The following CACNG8 variants were observed in gnomAD, a reference collection of about 807,000 sequenced individuals.
CACNG8 encodes calcium voltage-gated channel auxiliary subunit gamma 8, also known as voltage-dependent calcium channel gamma-8 subunit.
In CACNG8, 5 loss-of-function variants were observed where a neutral mutation model predicts 26.9. The observed-to-expected ratio is 0.19, with a 90% confidence interval of 0.10 to 0.39. The LOEUF (loss-of-function observed/expected upper bound fraction) is 0.39. Ranked by LOEUF, CACNG8 falls within the 10% of genes least tolerant of loss-of-function variation. The probability of loss-of-function intolerance (pLI) is 1.00; values close to 1 mark genes in which losing one functional copy is unlikely to be tolerated. For synonymous variants in CACNG8, 321 were observed against 296.7 expected (o/e 1.08, Z -0.84); for missense variants, 473 against 609.4 (o/e 0.78, Z 2.36).
In CACNG8 at chr19:53,963,061, G is replaced by A; in HGVS notation, c.-82G>A. ...GGCCCCCCGCTTCTGCCTGCGCTGTGAACCCCCCCCCAGCCGCCGGCACGG... is the reference window on the plus strand; with the variant it reads ...GGCCCCCCGCTTCTGCCTGCGCTGTAAACCCCCCCCCAGCCGCCGGCACGG... On this transcript the variant is annotated 5_prime_UTR_variant, in exon 1 of 4. Transcript: ENST00000270458. 1 of 792,896 alleles carries A rather than the reference G, an allele frequency of 1.3e-6. No homozygotes were observed. Among genetic ancestry groups the A allele is most frequent in the Non-Finnish European group, 1.8e-6 (1 of 569,948 alleles). 49.1% of individuals were successfully genotyped at this position (792,896 alleles called of 1,614,324 possible). A position where few individuals can be genotyped will look rare whatever the true frequency, so the allele number is the denominator to read the frequency against.
chr19:53,971,291 C>CA (rs36089029), intron 1 of CACNG8, among the ~76,000 whole-genome samples: 71,560 of 130,660 alleles, frequency 0.55, 18,408 homozygotes, highest in African/African-American at 0.66. Flanking sequence ...GGCCCTGTCT[C>CA]AAAAAAAAAA....
rs1276087519 is a variant in CACNG8, at chr19:53,987,756, T to A, written c.*4907T>A. ...TCTCTTTTGGATGTGTCAAGATAGA[T>A]CTGCCTTCGAGAAATCCGAGTTGTG... On this transcript the variant is annotated 3_prime_UTR_variant, in exon 4 of 4. Transcript: ENST00000270458. The A allele has an allele frequency of 6.6e-6, 1 of 152,178 alleles. No individual in the cohort carries two copies. The highest frequency in any genetic ancestry group is 6.5e-5 in the Admixed American group (1 of 15,268). 9.4% of individuals were successfully genotyped at this position (152,178 alleles called of 1,614,324 possible). A position where few individuals can be genotyped will look rare whatever the true frequency, so the allele number is the denominator to read the frequency against.
chr19:53,977,561 T>G (rs1042059481), intron 1 of CACNG8, among the ~76,000 whole-genome samples: 17 of 152,134 alleles, frequency 1.1e-4, no homozygotes, highest in African/African-American at 3.6e-4. Flanking sequence ...CCAGGTTCCC[T>G]GCAGAAAGAG....
At chr19:53,966,669 C>G (rs1485732685) in intron 1 of CACNG8, among the ~76,000 whole-genome samples, 1 of 152,220 alleles carries the variant, frequency 6.6e-6, no homozygotes, top group Non-Finnish European at 1.5e-5. Context: ...GTTGGGATTA[C>G]AGATGTCAGC....
chr19:53,968,648 AT>A (rs2069284700), intron 1 of CACNG8, among the ~76,000 whole-genome samples: 1 of 151,210 alleles, frequency 6.6e-6, no homozygotes, highest in Non-Finnish European at 1.5e-5. Flanking sequence ...TGTACCTATA[AT>A]CCCAGCTACT....
At chr19:53,978,273 CG>C (rs764568392) in intron 2 of CACNG8, 44 bp downstream of exon 2, 3 of 1,535,090 alleles carry the variant, frequency 2.0e-6, no homozygotes, top group Non-Finnish European at 2.7e-6. Context: ...GGTCAAATCG[CG>C]GGGCCTGGAA....
At chr19:53,976,524 A>T (rs2069330982) in intron 1 of CACNG8, among the ~76,000 whole-genome samples, 1 of 151,986 alleles carries the variant, frequency 6.6e-6, no homozygotes, top group East Asian at 1.9e-4. Flanking sequence ...CCTTATATTA[A>T]TTCTTCCCAG....
At chr19:53,964,646 C>G (rs1006761081) in intron 1 of CACNG8, among the ~76,000 whole-genome samples, 2 of 152,102 alleles carry the variant, frequency 1.3e-5, no homozygotes, top group African/African-American at 4.8e-5. Context: ...TCTCCTAGCT[C>G]GGCTCCCTGG....
At chr19:53,972,346 CTCTTTTCT>C (rs1209039185) in intron 1 of CACNG8, among the ~76,000 whole-genome samples, 2 of 137,918 alleles carry the variant, frequency 1.5e-5, no homozygotes, top group African/African-American at 2.7e-5. Context: ...TTTCTTTCTT[CTCTTTTCT>C]TCTTTTCTTT....
chr19:53,977,195 G>A (rs1334305465), intron 1 of CACNG8, among the ~76,000 whole-genome samples: 2 of 152,188 alleles, frequency 1.3e-5, no homozygotes, highest in East Asian at 3.9e-4. Context: ...GTGTGTCTGT[G>A]TGTGTCTAGG....
rs1465784675 is a variant in CACNG8 at position 53,982,850 on chromosome 19, G to C, written c.*1G>C. On this transcript the variant is annotated 3_prime_UTR_variant, in exon 4 of 4. Transcript: ENST00000270458. This position sits in a 1 kb window ranked among gnomAD's most constrained non-coding sequence, Gnocchi z 8.4. ...CAACAGGAAAACCACGCCTGTGTAG[G>C]GGCGCGGCGGGGGAGCCGAGGGGCG... The C allele has an allele frequency of 1.5e-6, 2 of 1,314,340 alleles. No individual in the cohort carries two copies. Among genetic ancestry groups the C allele is most frequent in the Non-Finnish European group, 9.7e-7 (1 of 1,029,424 alleles). 81.4% of individuals were successfully genotyped at this position (1,314,340 alleles called of 1,614,324 possible).
Position 53,963,276 on chromosome 19 carries a change from T to C in CACNG8, c.134T>C (p.Leu45Pro). The change falls in exon 1 of 4, where the codon CTC becomes CCC. Residue 45 changes from leucine (L) to proline (P), a missense_variant. This residue lies in a region of CACNG8 where 69 missense variants were observed against 66.7 expected (regional missense o/e 1.03). Coordinates refer to ENST00000270458, the MANE Select transcript of CACNG8 (RefSeq NM_031895.6). Reference sequence around the variant, plus strand: ...ATCGCCATCAGCACTGACTACTGGCTCTACACGCGCGCCCTCATCTGCAAC... The same window carrying C: ...ATCGCCATCAGCACTGACTACTGGCCCTACACGCGCGCCCTCATCTGCAAC... 1 of 1,609,984 alleles carries C rather than the reference T, an allele frequency of 6.2e-7. No homozygotes were observed. Among genetic ancestry groups the C allele is most frequent in the Non-Finnish European group, 8.5e-7 (1 of 1,179,326 alleles).
At chr19:53,971,084 G>T (rs2069300031) in intron 1 of CACNG8, among the ~76,000 whole-genome samples, 2 of 152,044 alleles carry the variant, frequency 1.3e-5, no homozygotes. Context: ...GTGAGGTCGG[G>T]AGTTGGAGAC....
At chr19:53,973,525 A>T (rs921521476) in intron 1 of CACNG8, among the ~76,000 whole-genome samples, 15 of 151,186 alleles carry the variant, frequency 9.9e-5, no homozygotes, top group African/African-American at 3.6e-4. Context: ...TCTATCTCTT[A>T]AAAAAAATAA....
chr19:53,982,789 G>A lies in CACNG8; in HGVS notation c.1218G>A (p.Leu406=), dbSNP rs1249400604. Reference sequence around the variant, plus strand: ...CCTCTGCGCCCGCCCCCGGGACCCTGGCCAAGGAGGCCGCCGCCTCCAACA... The same window carrying A: ...CCTCTGCGCCCGCCCCCGGGACCCTAGCCAAGGAGGCCGCCGCCTCCAACA... Residue 406 remains leucine, a synonymous_variant, in exon 4 of 4, where the codon CTG becomes CTA. Coordinates refer to ENST00000270458, the MANE Select transcript of CACNG8 (RefSeq NM_031895.6). This position sits in a 1 kb window ranked among gnomAD's most constrained non-coding sequence, Gnocchi z 8.4. 7.3e-6 allele frequency: 10 copies of A among 1,363,934 alleles called. No individual in the cohort carries two copies. Among genetic ancestry groups the A allele is most frequent in the Non-Finnish European group, 9.5e-6 (10 of 1,052,104 alleles). 84.5% of individuals were successfully genotyped at this position (1,363,934 alleles called of 1,614,324 possible). A position where few individuals can be genotyped will look rare whatever the true frequency, so the allele number is the denominator to read the frequency against.
chr19:53,971,291 CAA>C (rs36089029), intron 1 of CACNG8, among the ~76,000 whole-genome samples: 3 of 130,888 alleles, frequency 2.3e-5, no homozygotes, highest in Admixed American at 1.6e-4. Context: ...GGCCCTGTCT[CAA>C]AAAAAAAAAA....
rs1244710534 is a variant in CACNG8, at chr19:53,982,617, G to T, written c.1046G>T (p.Gly349Val). The change falls in exon 4 of 4, where the codon GGC becomes GTC. Residue 349 changes from glycine to valine, a missense_variant. Gly to Val is a moderately radical substitution (Grantham distance 109, BLOSUM62 -3). Transcript: ENST00000270458. This position sits in a 1 kb window ranked among gnomAD's most constrained non-coding sequence, Gnocchi z 8.4. ...GGGGGCGCCGGGGGCGGCGGCGGAG[G>T]CGGCGGCGGGGCGGGTGCCGAGCGG... 1.0e-6 allele frequency: 1 copy of T among 984,466 alleles called. No individual in the cohort carries two copies. The highest frequency in any genetic ancestry group is 4.5e-5 in the South Asian group (1 of 22,016). 61.0% of individuals were successfully genotyped at this position (984,466 alleles called of 1,614,324 possible).
rs1170354324 is a variant in CACNG8 at position 53,984,381 on chromosome 19, T to A, written c.*1532T>A. On this transcript the variant is annotated 3_prime_UTR_variant, in exon 4 of 4. Coordinates refer to ENST00000270458, the MANE Select transcript of CACNG8 (RefSeq NM_031895.6). ...CCACCGTGGGTACCGTGGCACACGG[T>A]GGACAGAGTGACCAACTGCCAGGAG... 6.6e-6 allele frequency: 1 copy of A among 152,202 alleles called. No individual in the cohort carries two copies. Among genetic ancestry groups the A allele is most frequent in the Non-Finnish European group, 1.5e-5 (1 of 68,074 alleles). The allele number at this position is 152,202 out of a possible 1,614,324, so 9.4% of individuals were successfully genotyped here.
chr19:53,972,589 T>A (rs1251011879), intron 1 of CACNG8, among the ~76,000 whole-genome samples: 1 of 151,820 alleles, frequency 6.6e-6, no homozygotes, highest in Non-Finnish European at 1.5e-5. Context: ...CTCGAACTCC[T>A]GACCTCAGGT....
Sources: allele counts gnomAD v4.1 joint callset (sites outside exome capture counted in the v4.1 genomes callset), GRCh38; gene constraint gnomAD v4.1.1; regional missense constraint gnomAD v4.1.1; non-coding constraint Gnocchi (gnomAD v3.1); transcripts MANE v1.5; gene names NCBI Gene and HGNC (gene_info 2026-07-23, HGNC 2026-07-21).